Variants in FLT3 observed in about 807,000 individuals in gnomAD.
FLT3 encodes fms related receptor tyrosine kinase 3.
In FLT3, 46 loss-of-function variants were observed where a neutral mutation model predicts 126.6. The observed-to-expected ratio is 0.36, with a 90% CI of 0.29 to 0.46. The LOEUF is 0.46. Ranked by LOEUF, FLT3 falls within the 20% of genes least tolerant of loss-of-function variation. The pLI is 1.00. For missense variants in FLT3, 1,069 were observed against 1,190.3 expected (o/e 0.90, Z 1.50); for synonymous variants, 404 against 434.4 (o/e 0.93, Z 0.87).
At chr13:28,061,841 T>TG in intron 3 of FLT3, 26 bp downstream of exon 3, 1 of 1,568,166 alleles carries the variant, frequency 6.4e-7, no homozygotes, top group Non-Finnish European at 8.8e-7. Flanking sequence ...CCACATTTTA[T>TG]GTCAAGAAGG....
At chr13:28,014,675 T>TG in intron 22 of FLT3, 118 bp from the exon 23 acceptor site, 1 of 683,068 alleles carries the variant, frequency 1.5e-6, no homozygotes, top group Non-Finnish European at 2.5e-6. Context: ...ACAGCATGTT[T>TG]GTTTTGTGGC....
chr13:28,067,915 C>T (rs1164445707), intron 2 of FLT3: 3 of 390,198 alleles, frequency 7.7e-6, no homozygotes, highest in Non-Finnish European at 1.0e-5. Flanking sequence ...TTGTGCAGGC[C>T]ACCTGCCTGA....
At chr13:28,076,161 T>A (rs938009825) in intron 1 of FLT3, among the ~76,000 whole-genome samples, 1 of 152,180 alleles carries the variant, frequency 6.6e-6, no homozygotes, top group Non-Finnish European at 1.5e-5. Context: ...ATTTATTTAT[T>A]CATCCATCCA....
chr13:28,078,159 C>T (rs1878088911), intron 1 of FLT3, among the ~76,000 whole-genome samples: 1 of 152,156 alleles, frequency 6.6e-6, no homozygotes, highest in Admixed American at 6.5e-5. Flanking sequence ...GGCAGTGGCC[C>T]TCTTCTCACA....
intron 1 of FLT3, among the ~76,000 whole-genome samples, chr13:28,084,387 C>A (rs764265755): frequency 6.6e-6 from 1 of 151,996 alleles, no homozygotes; most frequent in Non-Finnish European, 1.5e-5. Context: ...TTGAGTCTCA[C>A]TCGTCACCCA....
chr13:28,050,083 T>G lies in FLT3; in HGVS notation c.742+12A>C, dbSNP rs1325289765. 1 of 1,613,748 alleles carries G rather than the reference T, an allele frequency of 6.2e-7. No homozygotes were observed. The highest frequency in any genetic ancestry group is 8.5e-7 in the Non-Finnish European group (1 of 1,179,802). Reference sequence around the variant, plus strand: ...TCACTGAAAATGAAAGTGCATGATATTATAGTGTTACCTATTGTGAACAGC... The same window carrying G: ...TCACTGAAAATGAAAGTGCATGATAGTATAGTGTTACCTATTGTGAACAGC... On this transcript the variant is annotated intron_variant, in intron 6 of 23. Transcript: ENST00000241453.
intron 17 of FLT3, among the ~76,000 whole-genome samples, chr13:28,026,795 G>A (rs1346121999): frequency 2.6e-5 from 4 of 152,234 alleles, no homozygotes; most frequent in African/African-American, 9.6e-5. Context: ...GCAACCAGGT[G>A]TCCTGAAAGA....
intron 1 of FLT3, among the ~76,000 whole-genome samples, chr13:28,082,670 TTTTTGTTTTG>T (rs140799826): frequency 0.033 from 4,768 of 143,484 alleles, 135 homozygotes; most frequent in African/African-American, 0.075. Flanking sequence ...GCCCAGCTAA[TTTTTGTTTTG>T]TTTTGTTTTG....
At chr13:28,084,485 G>T (rs1387986629) in intron 1 of FLT3, among the ~76,000 whole-genome samples, 1 of 152,026 alleles carries the variant, frequency 6.6e-6, no homozygotes, top group Non-Finnish European at 1.5e-5. Flanking sequence ...CTCCTGTGTA[G>T]CTGGGAGTAC....
intron 23 of FLT3, among the ~76,000 whole-genome samples, chr13:28,014,165 G>C (rs983669913): frequency 6.6e-6 from 1 of 152,120 alleles, no homozygotes; most frequent in Non-Finnish European, 1.5e-5. Flanking sequence ...CTAGCTACTT[G>C]GAAGGCCGTG....
At chr13:28,074,880 C>T (rs1483114954) in intron 1 of FLT3, among the ~76,000 whole-genome samples, 9 of 152,072 alleles carry the variant, frequency 5.9e-5, no homozygotes, top group Non-Finnish European at 1.0e-4. Flanking sequence ...GTTGTCTGCC[C>T]ACCTTGGGCT....
chr13:28,048,757 A>C (rs1363898427), intron 8 of FLT3, among the ~76,000 whole-genome samples: 1 of 152,248 alleles, frequency 6.6e-6, no homozygotes, highest in Non-Finnish European at 1.5e-5. Context: ...GAGAGAGAGT[A>C]AAATAAACTC....
chr13:28,040,507 G>T (rs73436994), intron 9 of FLT3, among the ~76,000 whole-genome samples: 3,193 of 151,398 alleles, frequency 0.021, 97 homozygotes, highest in African/African-American at 0.072. Context: ...TTTGAGACCA[G>T]CCTTGGCAAT....
chr13:28,057,052 C>A (rs1221384793), intron 4 of FLT3, among the ~76,000 whole-genome samples: 1 of 152,170 alleles, frequency 6.6e-6, no homozygotes, highest in Non-Finnish European at 1.5e-5. Flanking sequence ...ATTCCAAGGT[C>A]AAAATGTTTT....
At position 28,003,881 on chromosome 13, in the gene FLT3, A is replaced by G; in HGVS notation, c.*171T>C. ...TTGTGACAGGATGATTTGATTTTAC[A>G]AAAGTCCCTTTGAAAACAAGAGTAA... On this transcript the variant is annotated 3_prime_UTR_variant, in exon 24 of 24. Transcript: ENST00000241453. The G allele has an allele frequency of 1.4e-6, 1 of 706,174 alleles. No individual in the cohort carries two copies. The highest frequency in any genetic ancestry group is 2.3e-6 in the Non-Finnish European group (1 of 431,344). 43.7% of individuals were successfully genotyped at this position (706,174 alleles called of 1,614,324 possible).
intron 1 of FLT3, among the ~76,000 whole-genome samples, chr13:28,091,807 C>A (rs944489756): frequency 1.3e-5 from 2 of 152,112 alleles, no homozygotes; most frequent in Non-Finnish European, 1.5e-5. Context: ...GCCAGGATTA[C>A]GCCTGTAATC....
intron 8 of FLT3, 49 bp from the exon 9 acceptor site, chr13:28,048,492 G>A (rs1250388977): frequency 8.3e-7 from 1 of 1,202,708 alleles, no homozygotes; most frequent in African/African-American, 1.5e-5. Flanking sequence ...TATTCATAGG[G>A]AAACGTATTG....
At chr13:28,074,484 C>G (rs1261764859) in intron 1 of FLT3, among the ~76,000 whole-genome samples, 1 of 152,054 alleles carries the variant, frequency 6.6e-6, no homozygotes, top group Non-Finnish European at 1.5e-5. Context: ...TAAGAAAGTG[C>G]CCAATTGTCT....
At chr13:28,015,754 ACTT>A (rs1871798840) in intron 20 of FLT3, 53 bp from the exon 21 acceptor site, 8 of 1,054,700 alleles carry the variant, frequency 7.6e-6, no homozygotes, top group Non-Finnish European at 1.0e-5. Flanking sequence ...TACAGACATG[ACTT>A]CTTTTCTTTT....
Sources: gnomAD v4.1 joint callset for allele counts (sites outside exome capture counted in the v4.1 genomes callset) on GRCh38, gnomAD v4.1.1 for gene constraint, MANE v1.5 for transcripts, NCBI Gene and HGNC (gene_info 2026-07-23, HGNC 2026-07-21) for gene names.